The following PRKN variants were observed in gnomAD, a reference collection of about 807,000 sequenced individuals.
PRKN encodes E3 ubiquitin-protein ligase parkin.
A neutral mutation model predicts 59.5 loss-of-function variants in PRKN; 56 were observed. The observed-to-expected ratio is 0.94, with a 90% CI of 0.76 to 1.18. PRKN has a LOEUF of 1.18. Ranked by LOEUF, PRKN falls within the 50% of genes most tolerant of loss-of-function variation. PRKN has a pLI of 0.00. For missense variants in PRKN, 657 were observed against 596.4 expected (o/e 1.10, Z -1.06); for synonymous variants, 250 against 222.1 (o/e 1.13, Z -1.12).
chr6:161,665,938 C>A (rs188690578), intron 7 of PRKN, among the ~76,000 whole-genome samples: 3 of 152,196 alleles, frequency 2.0e-5, no homozygotes, highest in South Asian at 2.1e-4. Flanking sequence ...CCAGCCCATG[C>A]CCAGCATGGA....
At chr6:162,331,364 C>A (rs1192578905) in intron 2 of PRKN, among the ~76,000 whole-genome samples, 1 of 152,150 alleles carries the variant, frequency 6.6e-6, no homozygotes, top group Non-Finnish European at 1.5e-5. Flanking sequence ...ACTTTCCTTT[C>A]AGGTCTCAGA....
intron 1 of PRKN, among the ~76,000 whole-genome samples, chr6:162,716,672 T>C (rs1438278016): frequency 6.6e-6 from 1 of 152,090 alleles, no homozygotes; most frequent in Non-Finnish European, 1.5e-5. Context: ...ATTCACACCT[T>C]CTTTTGCCAC....
intron 7 of PRKN, among the ~76,000 whole-genome samples, chr6:161,605,109 G>A (rs984173908): frequency 6.6e-6 from 1 of 152,010 alleles, no homozygotes; most frequent in African/African-American, 2.4e-5. Context: ...ACATATTTGA[G>A]TTCCTCAACA....
chr6:161,779,741 A>G (rs1312402455), intron 7 of PRKN, among the ~76,000 whole-genome samples: 1 of 151,706 alleles, frequency 6.6e-6, no homozygotes, highest in African/African-American at 2.4e-5. Context: ...CTGTGCCCAG[A>G]CTATAAACTT....
intron 1 of PRKN, among the ~76,000 whole-genome samples, chr6:162,583,918 C>T (rs913883273): frequency 1.3e-5 from 2 of 152,096 alleles, no homozygotes; most frequent in Non-Finnish European, 2.9e-5. Context: ...AGTTTACTGG[C>T]TAAGACTGAA....
chr6:162,306,431 G>C (rs901549796), intron 2 of PRKN, among the ~76,000 whole-genome samples: 2 of 152,164 alleles, frequency 1.3e-5, no homozygotes, highest in Non-Finnish European at 2.9e-5. Context: ...AATCTTCCCT[G>C]AATGTGCAGC....
chr6:161,801,219 C>T (rs1791063839), intron 6 of PRKN, among the ~76,000 whole-genome samples: 2 of 152,336 alleles, frequency 1.3e-5, no homozygotes, highest in East Asian at 1.9e-4. Flanking sequence ...CAGGGCCCGG[C>T]CTCTGCGGAT....
chr6:161,488,267 A>C lies in PRKN; in HGVS notation c.1083+60587T>G, dbSNP rs117752643. On this transcript the variant is annotated intron_variant, in intron 9 of 11. Coordinates refer to ENST00000366898, the MANE Select transcript of PRKN (RefSeq NM_004562.3). The surrounding 1 kb of genome is among the most constrained non-coding windows in gnomAD (Gnocchi z 4.5). ...TCTGCTTCATTTAGAGAACACCATGAAGGGCCAGGGTACTGGAGCATTGTC... is the reference window on the plus strand; with the variant it reads ...TCTGCTTCATTTAGAGAACACCATGCAGGGCCAGGGTACTGGAGCATTGTC... 5.4e-3 allele frequency among the ~76,000 whole-genome samples: 823 copies of C among 152,260 alleles called. 9 individuals carry two copies. The highest frequency in any genetic ancestry group is 0.024 in the Middle Eastern group (7 of 294).
intron 1 of PRKN, among the ~76,000 whole-genome samples, chr6:162,614,304 A>C (rs1158314471): frequency 1.3e-5 from 2 of 152,148 alleles, no homozygotes; most frequent in Non-Finnish European, 2.9e-5. Flanking sequence ...AGGGTAAGTC[A>C]TGAGGGGGAA....
rs1030533885 is a variant in PRKN at position 161,582,488 on chromosome 6, G to A, written c.872-13072C>T. Among the ~76,000 whole-genome samples, 2 of 151,634 alleles carry A rather than the reference G, an allele frequency of 1.3e-5. No homozygotes were observed. The highest frequency in any genetic ancestry group is 4.8e-5 in the African/African-American group (2 of 41,258). ...GTCGCCTAGGCTGGAGTGCAGTGGCGCGATCTAGGCTCACTGCAAGCTCCG... is the reference window on the plus strand; with the variant it reads ...GTCGCCTAGGCTGGAGTGCAGTGGCACGATCTAGGCTCACTGCAAGCTCCG... On this transcript the variant is annotated intron_variant, in intron 7 of 11. Coordinates refer to ENST00000366898, the MANE Select transcript of PRKN (RefSeq NM_004562.3). The surrounding 1 kb of genome is among the most constrained non-coding windows in gnomAD (Gnocchi z 4.4).
chr6:162,093,630 C>T (rs960140916), intron 4 of PRKN, among the ~76,000 whole-genome samples: 6 of 152,298 alleles, frequency 3.9e-5, no homozygotes, highest in Admixed American at 1.3e-4. Flanking sequence ...CTTGTCAGTG[C>T]GTGGGGTAGC....
At chr6:162,144,967 T>C (rs559885116) in intron 4 of PRKN, among the ~76,000 whole-genome samples, 69 of 152,316 alleles carry the variant, frequency 4.5e-4, no homozygotes, top group African/African-American at 1.7e-3. Context: ...CAGAACTTAA[T>C]CAAGGATTCA....
chr6:162,500,523 C>G (rs1183990159), intron 1 of PRKN, among the ~76,000 whole-genome samples: 1 of 152,170 alleles, frequency 6.6e-6, no homozygotes, highest in Non-Finnish European at 1.5e-5. Context: ...CTCCATTTCT[C>G]AGGAAGACGG....
At chr6:162,155,284 C>A (rs1385011506) in intron 4 of PRKN, among the ~76,000 whole-genome samples, 1 of 152,114 alleles carries the variant, frequency 6.6e-6, no homozygotes, top group Non-Finnish European at 1.5e-5. Flanking sequence ...TGCCATATTG[C>A]TATTTTAATT....
intron 5 of PRKN, among the ~76,000 whole-genome samples, chr6:162,042,392 A>C (rs1784099634): frequency 6.6e-6 from 1 of 152,164 alleles, no homozygotes; most frequent in Admixed American, 6.5e-5. Context: ...CCGGGGCTAA[A>C]GCAATCCTCC....
At position 162,683,374 on chromosome 6, in the gene PRKN, T is replaced by G. The variant is rs112915227; in HGVS notation, c.7+44288A>C. Among the ~76,000 whole-genome samples, 785 of 152,282 alleles carry G rather than the reference T, an allele frequency of 5.2e-3. 7 individuals carry two copies. Among genetic ancestry groups the G allele is most frequent in the African/African-American group, 0.017 (717 of 41,576 alleles). ...TCAGAAAATTCTACTGTGAACGAGC[T>G]GTTCTAGATAATTGGCATGGGATCA... On this transcript the variant is annotated intron_variant, in intron 1 of 11. Coordinates refer to ENST00000366898, the MANE Select transcript of PRKN (RefSeq NM_004562.3).
intron 9 of PRKN, among the ~76,000 whole-genome samples, chr6:161,492,596 TTATTA>T (rs1338584346): frequency 1.3e-5 from 2 of 152,176 alleles, no homozygotes; most frequent in African/African-American, 4.8e-5. Context: ...TAGGAGGGCC[TTATTA>T]TATTAGGTAG....
intron 9 of PRKN, among the ~76,000 whole-genome samples, chr6:161,424,583 G>C (rs537057272): frequency 6.6e-6 from 1 of 152,096 alleles, no homozygotes; most frequent in Non-Finnish European, 1.5e-5. Context: ...GCAGACACAG[G>C]AACTCAGGGC....
chr6:161,567,668 G>C (rs1728324414), intron 8 of PRKN, among the ~76,000 whole-genome samples: 1 of 152,110 alleles, frequency 6.6e-6, no homozygotes, highest in African/African-American at 2.4e-5. Context: ...TATTAATTTT[G>C]ATTATGGCTC....
Sources: allele counts gnomAD v4.1 joint callset (sites outside exome capture counted in the v4.1 genomes callset), GRCh38; gene constraint gnomAD v4.1.1; non-coding constraint Gnocchi (gnomAD v3.1); transcripts MANE v1.5; gene names NCBI Gene and HGNC (gene_info 2026-07-23, HGNC 2026-07-21).